NSD1: variants seen among roughly 807,000 people sequenced by gnomAD.
The protein encoded by NSD1 is nuclear receptor binding SET domain protein 1, also known as histone-lysine N-methyltransferase, H3 lysine-36 specific.
NSD1 carries 26 observed loss-of-function variants against 242.7 expected under a neutral mutation model. The observed-to-expected ratio is 0.11, with a 90% confidence interval of 0.08 to 0.15. The LOEUF is 0.15. NSD1 is among the 10% of genes least tolerant of loss of function. The pLI, the probability that NSD1 is intolerant of heterozygous loss-of-function variation, is 1.00. For synonymous variants in NSD1, 1,106 were observed against 1,178.1 expected (o/e 0.94, Z 1.25); for missense variants, 2,495 against 3,272.8 (o/e 0.76, Z 5.80).
chr5:177,179,645 G>A (rs1203938398), intron 2 of NSD1, among the ~76,000 whole-genome samples: 3 of 152,276 alleles, frequency 2.0e-5, no homozygotes, highest in African/African-American at 4.8e-5. Flanking sequence ...ACCCTCTTGG[G>A]TAGCCTACAA....
At chr5:177,256,394 TGCCTCAGCCTCTTGAGTAGCTGG>T (rs1756468336) in intron 12 of NSD1, among the ~76,000 whole-genome samples, 1 of 149,890 alleles carries the variant, frequency 6.7e-6, no homozygotes, top group South Asian at 2.1e-4. Context: ...GCAATCCTCC[TGCCTCAGCCTCTTGAGTAGCTGG>T]GACCACAGGC....
chr5:177,289,315 C>A (rs562776902), intron 21 of NSD1, among the ~76,000 whole-genome samples: 1 of 151,522 alleles, frequency 6.6e-6, no homozygotes, highest in South Asian at 2.1e-4. Context: ...AGCAAGACTC[C>A]TTCTCAAAAA....
At chr5:177,247,816 C>T (rs1029037589) in intron 10 of NSD1, 1 of 684,650 alleles carries the variant, frequency 1.5e-6, no homozygotes, top group African/African-American at 1.9e-5. Flanking sequence ...TGTTTCTTTC[C>T]AGGACAATTT....
At chr5:177,263,562 T>G (rs1286740017) in intron 14 of NSD1, among the ~76,000 whole-genome samples, 1 of 152,210 alleles carries the variant, frequency 6.6e-6, no homozygotes, top group Non-Finnish European at 1.5e-5. Context: ...CACCTTAGTT[T>G]TATTATATCT....
chr5:177,174,581 G>A (rs867782660), intron 2 of NSD1, among the ~76,000 whole-genome samples: 26 of 150,646 alleles, frequency 1.7e-4, no homozygotes, highest in Middle Eastern at 3.4e-3. Context: ...TTTTTGACAC[G>A]GAGTCTTGCT....
intron 5 of NSD1, among the ~76,000 whole-genome samples, chr5:177,222,098 A>G (rs1453230819): frequency 2.6e-5 from 4 of 151,948 alleles, no homozygotes; most frequent in African/African-American, 9.7e-5. Flanking sequence ...GGCGTGAGCC[A>G]TCGCACCCGG....
intron 18 of NSD1, among the ~76,000 whole-genome samples, chr5:177,281,505 C>T (rs1014098479): frequency 1.3e-5 from 2 of 151,676 alleles, no homozygotes; most frequent in African/African-American, 4.8e-5. Flanking sequence ...CTAACCAAGA[C>T]GAGAGATATG....
intron 2 of NSD1, among the ~76,000 whole-genome samples, chr5:177,186,084 A>G (rs1473763745): frequency 8.9e-6 from 1 of 112,858 alleles, no homozygotes; most frequent in Non-Finnish European, 1.7e-5. Flanking sequence ...TATATAATAT[A>G]TTATATATAA....
At chr5:177,271,669 A>G (rs1182415518) in intron 16 of NSD1, among the ~76,000 whole-genome samples, 1 of 152,234 alleles carries the variant, frequency 6.6e-6, no homozygotes, top group African/African-American at 2.4e-5. Flanking sequence ...TATTTGGTAC[A>G]GTTTAAGCAC....
At chr5:177,255,446 C>T (rs1756352727) in intron 12 of NSD1, among the ~76,000 whole-genome samples, 1 of 152,136 alleles carries the variant, frequency 6.6e-6, no homozygotes, top group South Asian at 2.1e-4. Context: ...TTTGAATGAG[C>T]CGTTTCCAGC....
In NSD1 at chr5:177,210,174, G is replaced by A. The variant is rs1763219540; in HGVS notation, c.1775G>A (p.Gly592Asp). The change falls in exon 5 of 23, where the codon GGC (glycine) becomes GAC (aspartate). Residue 592 changes from glycine (G) to aspartate (D), a missense_variant. Physicochemically the swap from Gly to Asp is moderately conservative, Grantham distance 94. Around this residue, in one of 19 missense-constraint regions of NSD1, gnomAD observed 515 missense variants for 467.0 expected, o/e 1.10. Coordinates refer to ENST00000439151, the MANE Select transcript of NSD1 (RefSeq NM_022455.5). ...FETSNGDSLL[G>D]LPEGALISKC... is the part of the protein sequence containing the mutation. ...ACTTCAAATGGTGACTCTTTATTGG[G>A]CTTGCCTGAGGGTGCTTTGATCTCA... 6.2e-7 allele frequency: 1 copy of A among 1,607,066 alleles called. No homozygotes were observed. Among genetic ancestry groups the A allele is most frequent in the African/African-American group, 1.3e-5 (1 of 74,630 alleles).
At chr5:177,162,526 G>C (rs1347464157) in intron 2 of NSD1, among the ~76,000 whole-genome samples, 1 of 152,122 alleles carries the variant, frequency 6.6e-6, no homozygotes, top group African/African-American at 2.4e-5. Flanking sequence ...CTCATGAGTA[G>C]TTGGAACCAC....
In NSD1 at chr5:177,300,053, CCG is replaced by C. The variant is rs1198328137; in HGVS notation, c.*4598_*4599del. Reference sequence around the variant, plus strand: ...GCCAAGGTCCATCATTGCTTTTTTGCCGCGCCCCCCCCCCCCCGCCCCCATAG... The same window carrying C: ...GCCAAGGTCCATCATTGCTTTTTTGCCGCCCCCCCCCCCCCGCCCCCATAG... On this transcript the variant is annotated 3_prime_UTR_variant, in exon 23 of 23. Transcript: ENST00000439151. 3 of 146,780 alleles carry C rather than the reference CCG, an allele frequency of 2.0e-5. No homozygotes were observed. Among genetic ancestry groups the C allele is most frequent in the African/African-American group, 1.0e-4 (2 of 19,984 alleles). 9.1% of individuals were successfully genotyped at this position (146,780 alleles called of 1,614,324 possible).
At position 177,134,587 on chromosome 5, in the gene NSD1, C is replaced by T. The variant is rs1756145627; in HGVS notation, c.-17-500C>T. Among the ~76,000 whole-genome samples, 1 of 152,218 alleles carries T rather than the reference C, an allele frequency of 6.6e-6. No individual in the cohort carries two copies. Among genetic ancestry groups the T allele is most frequent in the African/African-American group, 2.4e-5 (1 of 41,460 alleles). On this transcript the variant is annotated intron_variant, in intron 1 of 22. Coordinates refer to ENST00000439151, the MANE Select transcript of NSD1 (RefSeq NM_022455.5). This position sits in a 1 kb window ranked among gnomAD's most constrained non-coding sequence, Gnocchi z 4.2. ...CTCGCCTGCGGCCTGCGCACCGCCGCTGCAAAGGCTCCGGCGCTGGCTGGG... is the reference window on the plus strand; with the variant it reads ...CTCGCCTGCGGCCTGCGCACCGCCGTTGCAAAGGCTCCGGCGCTGGCTGGG...
At chr5:177,278,578 G>A (rs1758587383) in intron 17 of NSD1, among the ~76,000 whole-genome samples, 2 of 152,166 alleles carry the variant, frequency 1.3e-5, no homozygotes, top group African/African-American at 4.8e-5. Flanking sequence ...TAGGTGTACT[G>A]GAATGAGTAA....
At chr5:177,281,232 A>G (rs1758848584) in intron 18 of NSD1, among the ~76,000 whole-genome samples, 1 of 152,216 alleles carries the variant, frequency 6.6e-6, no homozygotes, top group African/African-American at 2.4e-5. Flanking sequence ...AACATGAAGG[A>G]TAAGAAGGTT....
At chr5:177,235,246 G>A (rs565250040) in intron 5 of NSD1, among the ~76,000 whole-genome samples, 6 of 152,268 alleles carry the variant, frequency 3.9e-5, no homozygotes, top group Admixed American at 3.9e-4. Flanking sequence ...TTTGTATAAT[G>A]TAGAAAATAA....
At chr5:177,268,814 A>G (rs968548518) in intron 15 of NSD1, among the ~76,000 whole-genome samples, 5 of 152,158 alleles carry the variant, frequency 3.3e-5, no homozygotes, top group African/African-American at 1.2e-4. Flanking sequence ...GAGATTCATC[A>G]TAGTATTGTA....
At chr5:177,282,421 G>C (rs2127260191) in intron 18 of NSD1, 44 bp from the exon 19 acceptor site, 1 of 1,178,448 alleles carries the variant, frequency 8.5e-7, no homozygotes. Flanking sequence ...TTGGATACCA[G>C]TGTCCTTTTT....
Sources: allele counts gnomAD v4.1 joint callset (sites outside exome capture counted in the v4.1 genomes callset), GRCh38; gene constraint gnomAD v4.1.1; regional missense constraint gnomAD v4.1.1; non-coding constraint Gnocchi (gnomAD v3.1); transcripts MANE v1.5; gene names NCBI Gene and HGNC (gene_info 2026-07-23, HGNC 2026-07-21).